The following LRP6 variants were observed in gnomAD, a reference collection of about 807,000 sequenced individuals.
LRP6 encodes LDL receptor related protein 6.
A neutral mutation model predicts 184.1 loss-of-function variants in LRP6; 43 were observed. The observed-to-expected ratio is 0.23, with a 90% confidence interval of 0.18 to 0.30. The LOEUF is 0.30. Among genes scored for constraint, LRP6 ranks in the 10% least tolerant of loss-of-function variants. The pLI, the probability that LRP6 is intolerant of heterozygous loss-of-function variation, is 1.00. For missense variants in LRP6, 1,571 were observed against 2,005.3 expected, an observed-to-expected ratio of 0.78 and a Z score of 4.14; for synonymous variants, 719 against 684.9, an observed-to-expected ratio of 1.05 and a Z score of -0.78.
intron 17 of LRP6, among the ~76,000 whole-genome samples, chr12:12,132,332 G>A (rs866716562): frequency 2.0e-5 from 3 of 151,956 alleles, no homozygotes; most frequent in East Asian, 1.9e-4. Context: ...TTTGCAATCC[G>A]TTACAGTCTC....
At chr12:12,163,640 T>C (rs1862796545) in intron 9 of LRP6, among the ~76,000 whole-genome samples, 1 of 152,242 alleles carries the variant, frequency 6.6e-6, no homozygotes, top group African/African-American at 2.4e-5. Flanking sequence ...ACGAATTTTT[T>C]TTTAAAGTAA....
chr12:12,201,146 C>T (rs551420974), intron 3 of LRP6, among the ~76,000 whole-genome samples: 6 of 152,102 alleles, frequency 3.9e-5, no homozygotes, highest in East Asian at 3.9e-4. Context: ...ATCTACTAGC[C>T]GTTGATCTTC....
At chr12:12,177,458 G>A (rs1277204096) in intron 7 of LRP6, among the ~76,000 whole-genome samples, 1 of 152,140 alleles carries the variant, frequency 6.6e-6, no homozygotes, top group African/African-American at 2.4e-5. Flanking sequence ...ATGAAAAGCT[G>A]GTAGTAGCAG....
chr12:12,199,131 T>TAAAA (rs948381266), intron 3 of LRP6, among the ~76,000 whole-genome samples: 1 of 146,170 alleles, frequency 6.8e-6, no homozygotes, highest in African/African-American at 2.5e-5. Flanking sequence ...AAGCACCATT[T>TAAAA]AAAAAAAAAA....
At chr12:12,195,430 T>C (rs1242794378) in intron 3 of LRP6, among the ~76,000 whole-genome samples, 1 of 152,150 alleles carries the variant, frequency 6.6e-6, no homozygotes, top group Non-Finnish European at 1.5e-5. Context: ...GAATTTAATT[T>C]GCATTTCCTG....
Position 12,165,244 on chromosome 12 carries a change from G to T in LRP6, c.1597C>A (p.Pro533Thr), listed in dbSNP as rs1862848985. 3 of 1,614,068 alleles carry T rather than the reference G, an allele frequency of 1.9e-6. No individual in the cohort carries two copies. The highest frequency in any genetic ancestry group is 2.5e-6 in the Non-Finnish European group (3 of 1,179,992). The change falls in exon 8 of 23, where the codon CCT becomes ACT. Residue 533 changes from proline (P) to threonine (T), a missense_variant. Physicochemically the swap from Pro to Thr is conservative, Grantham distance 38 (BLOSUM62 -1). This residue lies in a region of LRP6 where 640 missense variants were observed against 851.9 expected (regional missense o/e 0.75). Transcript: ENST00000261349. Reference protein sequence around the residue: ...GRRVLVEDKIPHIFGFTLLGD... With the variant: ...GRRVLVEDKITHIFGFTLLGD... ...AACAAAGTAAATCCAAATATGTGAG[G>T]AATTTTGTCTTCCACTAGTACTCGT...
intron 19 of LRP6, among the ~76,000 whole-genome samples, chr12:12,128,679 C>T (rs1191428149): frequency 1.3e-5 from 2 of 152,146 alleles, no homozygotes; most frequent in South Asian, 2.1e-4. Context: ...GCAAAGTACA[C>T]GCCTGCCTAA....
chr12:12,182,720 A>C (rs1236017355), intron 5 of LRP6, among the ~76,000 whole-genome samples: 4 of 152,226 alleles, frequency 2.6e-5, no homozygotes, highest in Non-Finnish European at 5.9e-5. Context: ...TGCAGGAACC[A>C]AGTAGGAATA....
chr12:12,185,068 G>A (rs952775344), intron 4 of LRP6, among the ~76,000 whole-genome samples: 1 of 152,172 alleles, frequency 6.6e-6, no homozygotes, highest in Non-Finnish European at 1.5e-5. Context: ...GCCTAGGTGC[G>A]TGGATCACTT....
intron 7 of LRP6, among the ~76,000 whole-genome samples, chr12:12,170,421 A>G (rs981066727): frequency 1.3e-5 from 2 of 151,922 alleles, no homozygotes; most frequent in Admixed American, 1.3e-4. Flanking sequence ...CCTGTAATCA[A>G]TATTAAAATT....
chr12:12,139,513 T>C (rs1949899333), intron 15 of LRP6, among the ~76,000 whole-genome samples: 1 of 152,100 alleles, frequency 6.6e-6, no homozygotes, highest in Non-Finnish European at 1.5e-5. Flanking sequence ...CACGTGAGCC[T>C]AGGAGTTCGA....
intron 1 of LRP6, among the ~76,000 whole-genome samples, chr12:12,258,517 T>C (rs1865528968): frequency 6.6e-6 from 1 of 152,264 alleles, no homozygotes; most frequent in Admixed American, 6.5e-5. Flanking sequence ...CATCTTTTTA[T>C]ATTACTTTAA....
Position 12,118,364 on chromosome 12 carries a change from A to G in LRP6, c.*2762T>C, listed in dbSNP as rs1949546712. 1 of 152,216 alleles carries G rather than the reference A, an allele frequency of 6.6e-6. No individual in the cohort carries two copies. Among genetic ancestry groups the G allele is most frequent in the Admixed American group, 6.5e-5 (1 of 15,274 alleles). 9.4% of individuals were successfully genotyped at this position (152,216 alleles called of 1,614,324 possible). ...AGAATAGCTTACTGTGGTGCACACAAAGTATGTTATGCTCAAGTTTATTTC... is the reference window on the plus strand; with the variant it reads ...AGAATAGCTTACTGTGGTGCACACAGAGTATGTTATGCTCAAGTTTATTTC... On this transcript the variant is annotated 3_prime_UTR_variant, in exon 23 of 23. Transcript: ENST00000261349.
At chr12:12,153,841 G>A (rs1950114303) in intron 12 of LRP6, among the ~76,000 whole-genome samples, 1 of 152,186 alleles carries the variant, frequency 6.6e-6, no homozygotes, top group South Asian at 2.1e-4. Context: ...GAGCTTTTCA[G>A]TTCTCTTCTG....
At chr12:12,202,094 C>G (rs1052771407) in intron 3 of LRP6, among the ~76,000 whole-genome samples, 10 of 152,186 alleles carry the variant, frequency 6.6e-5, no homozygotes, top group African/African-American at 2.4e-4. Context: ...TATAAAATGT[C>G]TTTAAAAATC....
intron 1 of LRP6, among the ~76,000 whole-genome samples, chr12:12,260,767 G>A (rs182336070): frequency 9.9e-5 from 15 of 152,268 alleles, no homozygotes; most frequent in African/African-American, 3.4e-4. Flanking sequence ...AACACAAAGC[G>A]GCAGAAGAGT....
intron 1 of LRP6, among the ~76,000 whole-genome samples, chr12:12,263,525 T>C (rs1865678765): frequency 7.1e-6 from 1 of 140,002 alleles, no homozygotes; most frequent in Non-Finnish European, 1.5e-5. Context: ...CACTCCAGCC[T>C]GGGCAACAGA....
At chr12:12,221,250 CACCATAA>C (rs1864480810) in intron 2 of LRP6, among the ~76,000 whole-genome samples, 1 of 152,192 alleles carries the variant, frequency 6.6e-6, no homozygotes. Context: ...GTATTTATAT[CACCATAA>C]ACAATGAAGT....
chr12:12,175,686 G>A (rs1371447921), intron 7 of LRP6, among the ~76,000 whole-genome samples: 5 of 139,744 alleles, frequency 3.6e-5, no homozygotes, highest in East Asian at 4.2e-4. Flanking sequence ...GCGAGACTCC[G>A]TCTCAAATAA....
Sources: gnomAD v4.1 joint callset for allele counts (sites outside exome capture counted in the v4.1 genomes callset) on GRCh38, gnomAD v4.1.1 for gene constraint, gnomAD v4.1.1 regional missense constraint, MANE v1.5 for transcripts, NCBI Gene and HGNC (gene_info 2026-07-23, HGNC 2026-07-21) for gene names.